Variants in MATN3 observed in about 807,000 individuals in gnomAD.
MATN3 encodes the protein matrilin 3, also known as matrilin-3.
A neutral mutation model predicts 45.3 loss-of-function variants in MATN3; 48 were observed. The observed-to-expected ratio is 1.06, with a 90% CI of 0.84 to 1.35. The LOEUF (loss-of-function observed/expected upper bound fraction) is 1.35. Among genes scored for constraint, MATN3 ranks in the 40% most tolerant of loss-of-function variants. The pLI, the probability that MATN3 is intolerant of heterozygous loss-of-function variation, is 0.00. For missense variants in MATN3, 599 were observed against 628.0 expected (o/e 0.95, Z 0.49); for synonymous variants, 217 against 245.9 (o/e 0.88, Z 1.10).
chr2:19,994,925 C>CA (rs1236138200), intron 6 of MATN3, among the ~76,000 whole-genome samples: 2 of 151,622 alleles, frequency 1.3e-5, no homozygotes, highest in African/African-American at 4.8e-5. Flanking sequence ...CCTGTCTCTA[C>CA]AAAAAAGTAA....
At chr2:19,997,014 G>A (rs1420599402) in intron 6 of MATN3, 120 bp downstream of exon 6, 57 of 980,320 alleles carry the variant, frequency 5.8e-5, no homozygotes, top group Non-Finnish European at 8.1e-5. Flanking sequence ...ACCAGTGGGA[G>A]CCACTGGAGA....
At position 20,000,425 on chromosome 2, in the gene MATN3, T is replaced by C. The variant is rs1672961585; in HGVS notation, c.1168+16A>G. On this transcript the variant is annotated intron_variant, in intron 5 of 7. Transcript: ENST00000407540. ...GAAAGACCCAAGTATGAAAGAATTT[T>C]TTGAGTGGATCTTACCTGAACATGT... 2 of 1,584,912 alleles carry C rather than the reference T, an allele frequency of 1.3e-6. No homozygotes were observed. The highest frequency in any genetic ancestry group is 3.8e-5 in the Admixed American group (2 of 53,004).
rs1673231595 is a variant in MATN3, at chr2:20,012,266, G to A, written c.223+143C>T. On this transcript the variant is annotated intron_variant, in intron 1 of 7. Coordinates refer to ENST00000407540, the MANE Select transcript of MATN3 (RefSeq NM_002381.5). The surrounding 1 kb of genome is among the most constrained non-coding windows in gnomAD (Gnocchi z 4.3). The stretch of plus-strand genomic sequence containing the variant: ...TCTCCCTCCCCTTCTCTGGACCTCA[G>A]TTTCCCCCACAGGATTCATCCGGGA... The A allele has an allele frequency of 1.8e-6, 1 of 547,144 alleles. No homozygotes were observed. Among genetic ancestry groups the A allele is most frequent in the Non-Finnish European group, 2.7e-6 (1 of 365,314 alleles). 33.9% of individuals were successfully genotyped at this position (547,144 alleles called of 1,614,324 possible).
In MATN3 at chr2:20,000,526, G is replaced by A; in HGVS notation, c.1083C>T (p.His361=). Residue 361 remains histidine, a synonymous_variant, in exon 5 of 8, where the codon CAC becomes CAT. Transcript: ENST00000407540. The part of the protein sequence containing the change: ...KCALGTHGCQ[H]ICVNDRTGSH... ...ACCCTGTTCTGTCATTCACACAAAT[G>A]TGCTGACACCCATGGGTACCCAAAG... is the stretch of plus-strand genomic sequence containing the variant. 2 of 1,612,238 alleles carry A rather than the reference G, an allele frequency of 1.2e-6. No individual in the cohort carries two copies. Among genetic ancestry groups the A allele is most frequent in the South Asian group, 2.2e-5 (2 of 90,634 alleles).
At chr2:19,996,136 T>C (rs1281773142) in intron 6 of MATN3, among the ~76,000 whole-genome samples, 2 of 152,094 alleles carry the variant, frequency 1.3e-5, no homozygotes, top group Non-Finnish European at 2.9e-5. Context: ...ACCTGGATTG[T>C]AGAAAAATTG....
chr2:20,006,293 G>A lies in MATN3; in HGVS notation c.241C>T (p.Pro81Ser). The change falls in exon 2 of 8, where the codon CCC (proline) becomes TCC (serine). Residue 81 changes from proline to serine, a missense_variant. Pro to Ser is a moderately conservative substitution (Grantham distance 74). Coordinates refer to ENST00000407540, the MANE Select transcript of MATN3 (RefSeq NM_002381.5). ...TCAATGATAAACACCAGGTCCAAGG[G>A]TCTGCTCTTGCAAACACCTGCAAAA... The part of the protein sequence containing the change: ...ARGAGVCKSR[P>S]LDLVFIIDSS... The A allele has an allele frequency of 6.4e-7, 1 of 1,568,180 alleles. No homozygotes were observed. Among genetic ancestry groups the A allele is most frequent in the Non-Finnish European group, 8.6e-7 (1 of 1,158,738 alleles).
In MATN3 at chr2:19,994,310, A is replaced by C. The variant is rs983174463; in HGVS notation, c.1394T>G (p.Leu465Arg). 2 of 1,610,436 alleles carry C rather than the reference A, an allele frequency of 1.2e-6. No individual in the cohort carries two copies. The highest frequency in any genetic ancestry group is 3.3e-5 in the Admixed American group (2 of 59,922). Residue 465 changes from leucine (L) to arginine (R), a missense_variant, in exon 7 of 8, where the codon CTG becomes CGG. By Grantham distance (102) the Leu-to-Arg change is moderately radical (BLOSUM62 -2). Transcript: ENST00000407540. ...QDKVSSYLQR[L>R]NTKLDDILEK... ...TCCAGAAAGGATATGTTTAGTGTTC[A>C]GTCTTTGAAGATACGAGCTGACCTT...
chr2:20,000,780 T>G (rs2103481539), intron 4 of MATN3, among the ~76,000 whole-genome samples: 1 of 152,354 alleles, frequency 6.6e-6, no homozygotes, highest in Non-Finnish European at 1.5e-5. Flanking sequence ...CACAATTGCT[T>G]TTGGAAATCA....
At chr2:19,997,037 A>G in intron 6 of MATN3, 97 bp downstream of exon 6, 1 of 1,324,748 alleles carries the variant, frequency 7.5e-7, no homozygotes, top group South Asian at 1.3e-5. Flanking sequence ...TCTGACAGGG[A>G]GAAAGAATCA....
intron 2 of MATN3, among the ~76,000 whole-genome samples, chr2:20,003,852 T>C (rs1673040724): frequency 6.6e-6 from 1 of 152,228 alleles, no homozygotes; most frequent in Admixed American, 6.5e-5. Flanking sequence ...CTTCTGAATA[T>C]GTAAGGTGGG....
At chr2:19,999,623 C>CT (rs1383211797) in intron 5 of MATN3, among the ~76,000 whole-genome samples, 2 of 118,820 alleles carry the variant, frequency 1.7e-5, no homozygotes, top group African/African-American at 6.4e-5. Flanking sequence ...ACTGGTTTCC[C>CT]TTTAAAAAAA....
chr2:20,003,782 C>T (rs1033570022), intron 2 of MATN3, among the ~76,000 whole-genome samples: 3 of 152,194 alleles, frequency 2.0e-5, no homozygotes, highest in Non-Finnish European at 2.9e-5. Context: ...AACGAACTCA[C>T]AGGTGGGCAG....
intron 5 of MATN3, among the ~76,000 whole-genome samples, chr2:19,998,313 G>A (rs1400643867): frequency 6.6e-6 from 1 of 151,892 alleles, no homozygotes; most frequent in African/African-American, 2.4e-5. Flanking sequence ...GTGGCAAATG[G>A]ACATGCTTCC....
At chr2:20,010,794 T>A (rs930075017) in intron 1 of MATN3, among the ~76,000 whole-genome samples, 1 of 152,200 alleles carries the variant, frequency 6.6e-6, no homozygotes, top group Admixed American at 6.5e-5. Context: ...GTAATAAATG[T>A]GTGTTGTCTT....
Position 19,995,991 on chromosome 2 carries a change from C to G in MATN3, c.1294+1143G>C, listed in dbSNP as rs1283374210. 1.3e-5 allele frequency among the ~76,000 whole-genome samples: 2 copies of G among 152,182 alleles called. No homozygotes were observed. The highest frequency in any genetic ancestry group is 2.9e-5 in the Non-Finnish European group (2 of 68,050). On this transcript the variant is annotated intron_variant, in intron 6 of 7. Transcript: ENST00000407540. The surrounding 1 kb of genome is among the most constrained non-coding windows in gnomAD (Gnocchi z 4.2). ...ATCTATTGAAGATCAACTACATGTCCATTATCCCTGTACCCATAAGATGGG... is the reference window on the plus strand; with the variant it reads ...ATCTATTGAAGATCAACTACATGTCGATTATCCCTGTACCCATAAGATGGG...
Position 19,995,621 on chromosome 2 carries a change from AT to A in MATN3, c.1295-1213del, listed in dbSNP as rs1672850725. ...GACATTTAACCAAATATGAGAGGTG[AT>A]AAAAGTAACTCCTATTTCTTTATGG... On this transcript the variant is annotated intron_variant, in intron 6 of 7. Coordinates refer to ENST00000407540, the MANE Select transcript of MATN3 (RefSeq NM_002381.5). This position sits in a 1 kb window ranked among gnomAD's most constrained non-coding sequence, Gnocchi z 4.2. 6.6e-6 allele frequency among the ~76,000 whole-genome samples: 1 copy of A among 152,244 alleles called. No homozygotes were observed. The highest frequency in any genetic ancestry group is 2.4e-5 in the African/African-American group (1 of 41,458).
intron 2 of MATN3, 120 bp from the exon 3 acceptor site, chr2:20,003,406 T>TA (rs112939392): frequency 1.7e-5 from 16 of 938,914 alleles, no homozygotes; most frequent in East Asian, 2.8e-5. Context: ...TACTTCACTA[T>TA]AAAAAAATGG....
At position 19,997,123 on chromosome 2, in the gene MATN3, C is replaced by G. The variant is rs1453492389; in HGVS notation, c.1294+11G>C. ...TACCAAAGGAAATAGCCTTAAAGGG[C>G]TGATCCTCACCTGAACATGTTTTCT... is the stretch of plus-strand genomic sequence containing the variant. On this transcript the variant is annotated intron_variant, in intron 6 of 7. Transcript: ENST00000407540. The G allele has an allele frequency of 1.2e-6, 2 of 1,612,886 alleles. No homozygotes were observed. Among genetic ancestry groups the G allele is most frequent in the South Asian group, 2.2e-5 (2 of 90,822 alleles).
chr2:20,008,176 TG>T (rs1252669356), intron 1 of MATN3, among the ~76,000 whole-genome samples: 1 of 152,214 alleles, frequency 6.6e-6, no homozygotes, highest in African/African-American at 2.4e-5. Flanking sequence ...TTGGCCAGGC[TG>T]GGCTCAAACT....
Sources: gnomAD v4.1 joint callset for allele counts (sites outside exome capture counted in the v4.1 genomes callset) on GRCh38, gnomAD v4.1.1 for gene constraint, Gnocchi (gnomAD v3.1) non-coding constraint, MANE v1.5 for transcripts, NCBI Gene and HGNC (gene_info 2026-07-23, HGNC 2026-07-21) for gene names.